Variants in PLA2R1 observed in about 807,000 individuals in gnomAD.
PLA2R1 encodes secretory phospholipase A2 receptor.
In PLA2R1, 158 loss-of-function variants were observed where a neutral mutation model predicts 195.9. The ratio of observed to expected loss-of-function variants is 0.81; its 90% confidence interval spans 0.71 to 0.92. The LOEUF is 0.92. Ranked by LOEUF, PLA2R1 falls within the 40% of genes least tolerant of loss-of-function variation. PLA2R1 has a pLI of 0.00. For synonymous variants in PLA2R1, 586 were observed against 598.2 expected, an observed-to-expected ratio of 0.98 and a Z score of 0.30; for missense variants, 1,626 against 1,764.6, an observed-to-expected ratio of 0.92 and a Z score of 1.41.
intron 22 of PLA2R1, 52 bp downstream of exon 22, chr2:159,955,646 G>T: frequency 1.9e-6 from 2 of 1,029,392 alleles, no homozygotes; most frequent in South Asian, 2.7e-5. Flanking sequence ...AACAAATCTT[G>T]AATAAAATAT....
intron 8 of PLA2R1, among the ~76,000 whole-genome samples, chr2:160,017,890 C>CCCATGGAGT (rs2105454893): frequency 6.6e-6 from 1 of 152,242 alleles, no homozygotes; most frequent in South Asian, 2.1e-4. Flanking sequence ...GCATCGCTCC[C>CCCATGGAGT]CCATGGAGTC....
chr2:160,036,838 A>AC (rs1278424681), intron 3 of PLA2R1, among the ~76,000 whole-genome samples: 2 of 152,166 alleles, frequency 1.3e-5, no homozygotes, highest in African/African-American at 2.4e-5. Flanking sequence ...GCTGAACTCC[A>AC]CATCTGTGCT....
rs553662195 is a variant in PLA2R1, at chr2:160,005,545, G to A, written c.1834+107C>T. The stretch of plus-strand genomic sequence containing the variant: ...GTGTTGATCCTTGTAATTGATTTAG[G>A]CATTAAGAAAACATTAAGAAAGAAT... On this transcript the variant is annotated intron_variant, in intron 11 of 29. Transcript: ENST00000283243. The A allele has an allele frequency of 1.0e-5, 8 of 794,712 alleles. No homozygotes were observed. The South Asian group carries it at 1.5e-4, about 14-fold the overall frequency. The allele number at this position is 794,712 out of a possible 1,614,324, so 49.2% of individuals were successfully genotyped here.
intron 23 of PLA2R1, among the ~76,000 whole-genome samples, chr2:159,954,214 G>A (rs1413883691): frequency 6.6e-6 from 1 of 152,082 alleles, no homozygotes; most frequent in East Asian, 1.9e-4. Context: ...CTGTCTTGAG[G>A]ATTTTGTGGC....
intron 9 of PLA2R1, among the ~76,000 whole-genome samples, chr2:160,016,354 T>C (rs1185509567): frequency 6.6e-6 from 1 of 151,510 alleles, no homozygotes; most frequent in Non-Finnish European, 1.5e-5. Flanking sequence ...GGATAGTCAC[T>C]GTACAGATGC....
intron 11 of PLA2R1, among the ~76,000 whole-genome samples, chr2:159,993,949 C>T (rs1046487445): frequency 5.3e-5 from 8 of 151,398 alleles, no homozygotes; most frequent in African/African-American, 1.9e-4. Flanking sequence ...AAAATTGTAC[C>T]ACGGGGTAAC....
intron 20 of PLA2R1, among the ~76,000 whole-genome samples, chr2:159,958,217 G>A (rs917162803): frequency 1.1e-4 from 16 of 151,892 alleles, no homozygotes; most frequent in Non-Finnish European, 2.1e-4. Flanking sequence ...CAGTTCATGC[G>A]AGATCTGATT....
chr2:160,028,706 G>C, intron 5 of PLA2R1, 144 bp downstream of exon 5: 1 of 613,554 alleles, frequency 1.6e-6, no homozygotes, highest in Non-Finnish European at 2.9e-6. Flanking sequence ...GTTTGGAAAA[G>C]CTTGCCTTAA....
chr2:159,952,707 T>C (rs149778581), intron 23 of PLA2R1, among the ~76,000 whole-genome samples: 3 of 152,224 alleles, frequency 2.0e-5, no homozygotes, highest in African/African-American at 7.2e-5. Context: ...GTGGATGGAA[T>C]TGAACGAGAT....
intron 17 of PLA2R1, among the ~76,000 whole-genome samples, chr2:159,971,489 TAC>T (rs1023098586): frequency 2.7e-4 from 21 of 76,400 alleles, no homozygotes; most frequent in Non-Finnish European, 4.8e-4. Context: ...CACACACACA[TAC>T]ACACACACAC....
chr2:160,019,923 C>A lies in PLA2R1; in HGVS notation c.1452+183G>T, dbSNP rs145847603. ...TATCATGTCACATAGTTCCTTGGAGCAATCATTACAACTATAATTACCATG... is the reference window on the plus strand; with the variant it reads ...TATCATGTCACATAGTTCCTTGGAGAAATCATTACAACTATAATTACCATG... On this transcript the variant is annotated intron_variant, in intron 8 of 29. Coordinates refer to ENST00000283243, the MANE Select transcript of PLA2R1 (RefSeq NM_007366.5). Among the ~76,000 whole-genome samples, 13 of 152,290 alleles carry A rather than the reference C, an allele frequency of 8.5e-5. No individual in the cohort carries two copies. In the East Asian group the frequency reaches 2.3e-3, roughly 27 times the overall value.
At chr2:160,054,154 G>A (rs933564319) in intron 1 of PLA2R1, among the ~76,000 whole-genome samples, 4 of 152,176 alleles carry the variant, frequency 2.6e-5, no homozygotes, top group African/African-American at 9.7e-5. Flanking sequence ...AGTAATGCTG[G>A]GGCTGGGTGT....
chr2:159,951,769 T>C (rs1179844592), intron 23 of PLA2R1, among the ~76,000 whole-genome samples, 191 bp from the exon 24 acceptor site: 1 of 152,186 alleles, frequency 6.6e-6, no homozygotes, highest in African/African-American at 2.4e-5. Context: ...CTCAGGAAAT[T>C]TAATGAATTG....
At chr2:160,007,217 T>C (rs1692045511) in intron 10 of PLA2R1, among the ~76,000 whole-genome samples, 1 of 152,194 alleles carries the variant, frequency 6.6e-6, no homozygotes, top group Non-Finnish European at 1.5e-5. Flanking sequence ...TACACTTCTG[T>C]TGGTTCATGC....
intron 9 of PLA2R1, among the ~76,000 whole-genome samples, chr2:160,015,429 G>A (rs1692666781): frequency 6.6e-6 from 1 of 152,206 alleles, no homozygotes; most frequent in African/African-American, 2.4e-5. Context: ...CACAAAGCTA[G>A]AGAATTGGCT....
intron 11 of PLA2R1, among the ~76,000 whole-genome samples, chr2:159,988,987 A>G (rs2105328079): frequency 6.6e-6 from 1 of 152,350 alleles, no homozygotes; most frequent in Non-Finnish European, 1.5e-5. Context: ...CGCCATGGCA[A>G]GATGGTTCTG....
Position 159,976,725 on chromosome 2 carries a change from A to G in PLA2R1, c.2402-5T>C, listed in dbSNP as rs1238949892. On this transcript the variant is annotated splice_polypyrimidine_tract_variant and splice_region_variant and intron_variant, in intron 15 of 29. Transcript: ENST00000283243. Reference sequence around the variant, plus strand: ...ACGGAATCTTGGGTTTCACATCTGCAAAGTGAAAGCAAATCACTTTGACTG... The same window carrying G: ...ACGGAATCTTGGGTTTCACATCTGCGAAGTGAAAGCAAATCACTTTGACTG... The G allele has an allele frequency of 6.2e-7, 1 of 1,609,766 alleles. No individual in the cohort carries two copies. Among genetic ancestry groups the G allele is most frequent in the South Asian group, 1.1e-5 (1 of 90,996 alleles).
At chr2:159,996,217 C>CT (rs1319596596) in intron 11 of PLA2R1, among the ~76,000 whole-genome samples, 1 of 152,008 alleles carries the variant, frequency 6.6e-6, no homozygotes, top group Non-Finnish European at 1.5e-5. Flanking sequence ...GGTAGGTCTA[C>CT]TAGCAACAAA....
At chr2:159,966,281 C>G (rs1457705966) in intron 20 of PLA2R1, among the ~76,000 whole-genome samples, 2 of 152,056 alleles carry the variant, frequency 1.3e-5, no homozygotes, top group Non-Finnish European at 2.9e-5. Flanking sequence ...TGAAATAAGC[C>G]AGTCACAAAA....
Sources: allele counts gnomAD v4.1 joint callset (sites outside exome capture counted in the v4.1 genomes callset), GRCh38; gene constraint gnomAD v4.1.1; transcripts MANE v1.5; gene names NCBI Gene and HGNC (gene_info 2026-07-23, HGNC 2026-07-21).